The following H1-4 variants were observed in gnomAD, a reference collection of about 807,000 sequenced individuals.
H1-4 encodes histone H1.4.
In H1-4, 9 loss-of-function variants were observed where a neutral mutation model predicts 7.2. That is an observed-to-expected ratio of 1.25 (90% CI 0.75 to 2.18). The LOEUF is 2.18. Ranked by LOEUF, H1-4 falls within the 30% of genes most tolerant of loss-of-function variation. H1-4 has a pLI of 0.00. For missense variants in H1-4, 646 were observed against 287.9 expected (o/e 2.24, Z -9.00); for synonymous variants, 318 against 126.6 (o/e 2.51, Z -10.15).
Position 26,156,905 on chromosome 6 carries a change from G to C in H1-4, c.515G>C (p.Ser172Thr). 6.2e-6 allele frequency: 10 copies of C among 1,610,302 alleles called. No individual in the cohort carries two copies. The highest frequency in any genetic ancestry group is 8.5e-6 in the Non-Finnish European group (10 of 1,179,048). Reference sequence around the variant, plus strand: ...GCTGCTGGAGCCAAAAAAGCGAAAAGCCCGAAAAAGGCGAAAGCAGCCAAG... The same window carrying C: ...GCTGCTGGAGCCAAAAAAGCGAAAACCCCGAAAAAGGCGAAAGCAGCCAAG... ...AAAAGAKKAKSPKKAKAAKPK... is the reference protein window; with the variant it reads ...AAAAGAKKAKTPKKAKAAKPK... The change falls in exon 1 of 1, where the codon AGC becomes ACC. Residue 172 changes from serine to threonine, a missense_variant. Coordinates refer to ENST00000304218, the MANE Select transcript of H1-4 (RefSeq NM_005321.3).
In H1-4 at chr6:26,156,943, C is replaced by A. The variant is rs773174430; in HGVS notation, c.553C>A (p.Pro185Thr). The A allele has an allele frequency of 3.7e-6, 6 of 1,612,444 alleles. No individual in the cohort carries two copies. The Admixed American group carries it at 1.0e-4, about 27-fold the overall frequency. ...GAAAGCAGCCAAGCCAAAAAAGGCGCCCAAGAGCCCAGCGAAGGCCAAAGC... is the reference window on the plus strand; with the variant it reads ...GAAAGCAGCCAAGCCAAAAAAGGCGACCAAGAGCCCAGCGAAGGCCAAAGC... ...KAKAAKPKKA[P>T]KSPAKAKAVK... Residue 185 changes from proline (P) to threonine (T), a missense_variant, in exon 1 of 1, where the codon CCC becomes ACC. Transcript: ENST00000304218.
chr6:26,156,424 C>A lies in H1-4; in HGVS notation c.34C>A (p.Pro12Thr). 6.2e-7 allele frequency: 1 copy of A among 1,600,316 alleles called. No homozygotes were observed. Among genetic ancestry groups the A allele is most frequent in the Non-Finnish European group, 8.5e-7 (1 of 1,173,042 alleles). The change falls in exon 1 of 1, where the codon CCG becomes ACG. Residue 12 changes from proline to threonine, a missense_variant. Pro to Thr is a conservative substitution (Grantham distance 38). Coordinates refer to ENST00000304218, the MANE Select transcript of H1-4 (RefSeq NM_005321.3). ...SETAPAAPAA[P>T]APAEKTPVKK... The stretch of plus-strand genomic sequence containing the variant: ...GACTGCGCCTGCCGCGCCCGCTGCT[C>A]CGGCCCCTGCCGAGAAGACTCCCGT...
rs2113826295 is a variant in H1-4 at position 26,156,626 on chromosome 6, G to A, written c.236G>A (p.Arg79His). 1 of 1,614,218 alleles carries A rather than the reference G, an allele frequency of 6.2e-7. No individual in the cohort carries two copies. The highest frequency in any genetic ancestry group is 8.5e-7 in the Non-Finnish European group (1 of 1,180,034). ...TATGACGTGGAGAAGAACAACAGCC[G>A]CATCAAGCTGGGTCTCAAGAGCCTG... is the stretch of plus-strand genomic sequence containing the variant. Reference protein sequence around the residue: ...AGYDVEKNNSRIKLGLKSLVS... With the variant: ...AGYDVEKNNSHIKLGLKSLVS... The change falls in exon 1 of 1, where the codon CGC (arginine) becomes CAC (histidine). Residue 79 changes from arginine (R) to histidine (H), a missense_variant. Arg to His is a conservative substitution (Grantham distance 29). Coordinates refer to ENST00000304218, the MANE Select transcript of H1-4 (RefSeq NM_005321.3).
In H1-4 at chr6:26,156,342, G is replaced by A. The variant is rs568298921; in HGVS notation, c.-49G>A. On this transcript the variant is annotated 5_prime_UTR_variant, in exon 1 of 1. In the 5' UTR this introduces an upstream ATG that the reference lacks. Transcript: ENST00000304218. ...AGCGCCGCGGCTCGAGTCCCGGCCA[G>A]TGCCTCTGCTTCCGGCTCGAATTGC... 6.9e-5 allele frequency: 103 copies of A among 1,494,244 alleles called. No homozygotes were observed. The highest frequency in any genetic ancestry group is 1.4e-5 in the African/African-American group (1 of 71,634). The allele number at this position is 1,494,244 out of a possible 1,614,324, so 92.6% of individuals were successfully genotyped here.
chr6:26,156,337 G>T lies in H1-4; in HGVS notation c.-54G>T. On this transcript the variant is annotated 5_prime_UTR_variant, in exon 1 of 1. Transcript: ENST00000304218. ...GGCGCAGCGCCGCGGCTCGAGTCCC[G>T]GCCAGTGCCTCTGCTTCCGGCTCGA... The T allele has an allele frequency of 6.8e-7, 1 of 1,476,358 alleles. No homozygotes were observed. 91.5% of individuals were successfully genotyped at this position (1,476,358 alleles called of 1,614,324 possible).
In H1-4 at chr6:26,156,951, C is replaced by G. The variant is rs563391037; in HGVS notation, c.561C>G (p.Ser187Arg). 6.2e-7 allele frequency: 1 copy of G among 1,612,476 alleles called. No homozygotes were observed. Among genetic ancestry groups the G allele is most frequent in the South Asian group, 1.1e-5 (1 of 91,030 alleles). The change falls in exon 1 of 1, where the codon AGC becomes AGG. Residue 187 changes from serine (S) to arginine (R), a missense_variant. By Grantham distance (110) the Ser-to-Arg change is moderately radical. Transcript: ENST00000304218. ...CCAAGCCAAAAAAGGCGCCCAAGAGCCCAGCGAAGGCCAAAGCAGTTAAAC... is the reference window on the plus strand; with the variant it reads ...CCAAGCCAAAAAAGGCGCCCAAGAGGCCAGCGAAGGCCAAAGCAGTTAAAC... Reference protein sequence around the residue: ...KAAKPKKAPKSPAKAKAVKPK... With the variant: ...KAAKPKKAPKRPAKAKAVKPK...
rs568733098 is a variant in H1-4, at chr6:26,156,329, C to G, written c.-62C>G. 4.9e-5 allele frequency: 71 copies of G among 1,440,580 alleles called. No homozygotes were observed. Among genetic ancestry groups the G allele is most frequent in the Middle Eastern group, 5.1e-4 (2 of 3,950 alleles). The allele number at this position is 1,440,580 out of a possible 1,614,324, so 89.2% of individuals were successfully genotyped here. On this transcript the variant is annotated 5_prime_UTR_variant, in exon 1 of 1. Coordinates refer to ENST00000304218, the MANE Select transcript of H1-4 (RefSeq NM_005321.3). The stretch of plus-strand genomic sequence containing the variant: ...AACGGGCGGGCGCAGCGCCGCGGCT[C>G]GAGTCCCGGCCAGTGCCTCTGCTTC...
rs1443141066 is a variant in H1-4 at position 26,156,555 on chromosome 6, C to T, written c.165C>T (p.Ser55=). Reference sequence around the variant, plus strand: ...CTGTTGCCGCCTCCAAGGAGCGCAGCGGCGTATCTTTGGCCGCTCTCAAGA... The same window carrying T: ...CTGTTGCCGCCTCCAAGGAGCGCAGTGGCGTATCTTTGGCCGCTCTCAAGA... ...TKAVAASKER[S]GVSLAALKKA... is the part of the protein sequence containing the mutation. Residue 55 remains serine, a synonymous_variant, in exon 1 of 1, where the codon AGC becomes AGT. Coordinates refer to ENST00000304218, the MANE Select transcript of H1-4 (RefSeq NM_005321.3). 10 of 1,614,134 alleles carry T rather than the reference C, an allele frequency of 6.2e-6. No individual in the cohort carries two copies. Among genetic ancestry groups the T allele is most frequent in the East Asian group, 2.2e-5 (1 of 44,876 alleles).
In H1-4 at chr6:26,156,991, C is replaced by G; in HGVS notation, c.601C>G (p.Pro201Ala). The part of the protein sequence containing the change: ...AKAVKPKAAK[P>A]KTAKPKAAKP... ...AGCAGTTAAACCCAAGGCGGCTAAACCAAAGACCGCCAAGCCCAAGGCAGC... is the reference window on the plus strand; with the variant it reads ...AGCAGTTAAACCCAAGGCGGCTAAAGCAAAGACCGCCAAGCCCAAGGCAGC... The change falls in exon 1 of 1, where the codon CCA becomes GCA. Residue 201 changes from proline to alanine, a missense_variant. Pro to Ala is a conservative substitution (Grantham distance 27). Transcript: ENST00000304218. 1.9e-6 allele frequency: 3 copies of G among 1,604,416 alleles called. No individual in the cohort carries two copies. Among genetic ancestry groups the G allele is most frequent in the Non-Finnish European group, 1.7e-6 (2 of 1,177,806 alleles).
At position 26,156,617 on chromosome 6, in the gene H1-4, A is replaced by G. The variant is rs771489271; in HGVS notation, c.227A>G (p.Asn76Ser). 1 of 1,614,250 alleles carries G rather than the reference A, an allele frequency of 6.2e-7. No homozygotes were observed. Among genetic ancestry groups the G allele is most frequent in the Non-Finnish European group, 8.5e-7 (1 of 1,180,040 alleles). Residue 76 changes from asparagine to serine, a missense_variant, in exon 1 of 1, where the codon AAC (asparagine) becomes AGC (serine). Physicochemically the swap from Asn to Ser is conservative, Grantham distance 46. Transcript: ENST00000304218. Reference protein sequence around the residue: ...LAAAGYDVEKNNSRIKLGLKS... With the variant: ...LAAAGYDVEKSNSRIKLGLKS... ...GCCGCTGGCTATGACGTGGAGAAGA[A>G]CAACAGCCGCATCAAGCTGGGTCTC...
In H1-4 at chr6:26,156,924, A is replaced by T; in HGVS notation, c.534A>T (p.Ala178=). ...CGAAAAGCCCGAAAAAGGCGAAAGC[A>T]GCCAAGCCAAAAAAGGCGCCCAAGA... ...KKAKSPKKAK[A]AKPKKAPKSP... The change falls in exon 1 of 1, where the codon GCA becomes GCT. Residue 178 remains alanine, a synonymous_variant. Transcript: ENST00000304218. The T allele has an allele frequency of 6.2e-7, 1 of 1,611,418 alleles. No homozygotes were observed. The highest frequency in any genetic ancestry group is 8.5e-7 in the Non-Finnish European group (1 of 1,179,550).
In H1-4 at chr6:26,156,339, C is replaced by T. The variant is rs1050745439; in HGVS notation, c.-52C>T. 14 of 1,478,310 alleles carry T rather than the reference C, an allele frequency of 9.5e-6. No homozygotes were observed. In the East Asian group the frequency reaches 1.1e-4, roughly 12 times the overall value. The allele number at this position is 1,478,310 out of a possible 1,614,324, so 91.6% of individuals were successfully genotyped here. A position where few individuals can be genotyped will look rare whatever the true frequency, so the allele number is the denominator to read the frequency against. On this transcript the variant is annotated 5_prime_UTR_variant, in exon 1 of 1. Transcript: ENST00000304218. ...CGCAGCGCCGCGGCTCGAGTCCCGG[C>T]CAGTGCCTCTGCTTCCGGCTCGAAT...
rs752277120 is a variant in H1-4 at position 26,156,353 on chromosome 6, T to G, written c.-38T>G. 4.6e-6 allele frequency: 7 copies of G among 1,514,200 alleles called. No homozygotes were observed. The African/African-American group carries it at 8.3e-5, about 18-fold the overall frequency. The allele number at this position is 1,514,200 out of a possible 1,614,324, so 93.8% of individuals were successfully genotyped here. A position where few individuals can be genotyped will look rare whatever the true frequency, so the allele number is the denominator to read the frequency against. On this transcript the variant is annotated 5_prime_UTR_variant, in exon 1 of 1. Transcript: ENST00000304218. ...TCGAGTCCCGGCCAGTGCCTCTGCTTCCGGCTCGAATTGCTCTCGCTCACG... is the reference window on the plus strand; with the variant it reads ...TCGAGTCCCGGCCAGTGCCTCTGCTGCCGGCTCGAATTGCTCTCGCTCACG...
Position 26,157,045 on chromosome 6 carries a change from AAG to A in H1-4, c.656_657del (p.Lys219IlefsTer?). The A allele has an allele frequency of 6.3e-7, 1 of 1,580,420 alleles. No individual in the cohort carries two copies. ...GCCAAAGAAGGCGGCAGCCAAGAAA[AAG>A]TAGAAAGTTCCTTTGGCCAACTGCT... Reference protein sequence around the residue: ...AKPKKAAAKKK With the variant: ...AKPKKAAAKKX On this transcript the variant is annotated frameshift_variant, in exon 1 of 1. Transcript: ENST00000304218. LOFTEE classifies it high-confidence loss of function.
chr6:26,157,041 G>A lies in H1-4; in HGVS notation c.651G>A (p.Lys217=), dbSNP rs139391118. 16 of 1,580,626 alleles carry A rather than the reference G, an allele frequency of 1.0e-5. No homozygotes were observed. The highest frequency in any genetic ancestry group is 1.4e-5 in the Non-Finnish European group (16 of 1,171,720). ...KAAKPKKAAA[K]KK ...CCAAGCCAAAGAAGGCGGCAGCCAA[G>A]AAAAAGTAGAAAGTTCCTTTGGCCA... is the stretch of plus-strand genomic sequence containing the variant. The change falls in exon 1 of 1, where the codon AAG becomes AAA. Residue 217 remains lysine, a synonymous_variant. Transcript: ENST00000304218.
Position 26,156,807 on chromosome 6 carries a change from G to A in H1-4, c.417G>A (p.Lys139=), listed in dbSNP as rs773304634. 6.8e-6 allele frequency: 11 copies of A among 1,609,246 alleles called. No homozygotes were observed. Among genetic ancestry groups the A allele is most frequent in the Middle Eastern group, 1.7e-4 (1 of 5,786 alleles). Residue 139 remains lysine (K), a synonymous_variant, in exon 1 of 1, where the codon AAG becomes AAA. Transcript: ENST00000304218. The part of the protein sequence containing the change: ...KKPAGAAKKP[K]KATGAATPKK... ...CAGCAGGAGCGGCGAAGAAGCCCAA[G>A]AAGGCGACGGGGGCGGCCACCCCCA... is the stretch of plus-strand genomic sequence containing the variant.
In H1-4 at chr6:26,156,343, T is replaced by G. The variant is rs1172743095; in HGVS notation, c.-48T>G. Reference sequence around the variant, plus strand: ...GCGCCGCGGCTCGAGTCCCGGCCAGTGCCTCTGCTTCCGGCTCGAATTGCT... The same window carrying G: ...GCGCCGCGGCTCGAGTCCCGGCCAGGGCCTCTGCTTCCGGCTCGAATTGCT... On this transcript the variant is annotated 5_prime_UTR_variant, in exon 1 of 1. Transcript: ENST00000304218. The G allele has an allele frequency of 6.7e-7, 1 of 1,494,388 alleles. No homozygotes were observed. The highest frequency in any genetic ancestry group is 1.4e-5 in the African/African-American group (1 of 71,512). 92.6% of individuals were successfully genotyped at this position (1,494,388 alleles called of 1,614,324 possible). A position where few individuals can be genotyped will look rare whatever the true frequency, so the allele number is the denominator to read the frequency against.
rs371861388 is a variant in H1-4, at chr6:26,156,375, C to T, written c.-16C>T. ...GCTTCCGGCTCGAATTGCTCTCGCT[C>T]ACGCTTGCCTTCAACATGTCCGAGA... On this transcript the variant is annotated 5_prime_UTR_variant, in exon 1 of 1. Coordinates refer to ENST00000304218, the MANE Select transcript of H1-4 (RefSeq NM_005321.3). The T allele has an allele frequency of 1.3e-6, 2 of 1,537,914 alleles. No individual in the cohort carries two copies. The highest frequency in any genetic ancestry group is 8.7e-7 in the Non-Finnish European group (1 of 1,147,032).
In H1-4 at chr6:26,156,917, C is replaced by G. The variant is rs368222458; in HGVS notation, c.527C>G (p.Ala176Gly). The G allele has an allele frequency of 1.3e-5, 21 of 1,610,304 alleles. No homozygotes were observed. The East Asian group carries it at 1.3e-4, about 10-fold the overall frequency. The change falls in exon 1 of 1, where the codon GCG (alanine) becomes GGG (glycine). Residue 176 changes from alanine (A) to glycine (G), a missense_variant. Physicochemically the swap from Ala to Gly is moderately conservative, Grantham distance 60. Coordinates refer to ENST00000304218, the MANE Select transcript of H1-4 (RefSeq NM_005321.3). Reference protein sequence around the residue: ...GAKKAKSPKKAKAAKPKKAPK... With the variant: ...GAKKAKSPKKGKAAKPKKAPK... ...AAAAAAGCGAAAAGCCCGAAAAAGGCGAAAGCAGCCAAGCCAAAAAAGGCG... is the reference window on the plus strand; with the variant it reads ...AAAAAAGCGAAAAGCCCGAAAAAGGGGAAAGCAGCCAAGCCAAAAAAGGCG...
Sources: allele counts gnomAD v4.1 joint callset, GRCh38; gene constraint gnomAD v4.1.1; transcripts MANE v1.5; gene names NCBI Gene and HGNC (gene_info 2026-07-23, HGNC 2026-07-21).